Variants in CDH22 observed in about 807,000 individuals in gnomAD.
CDH22 encodes the protein cadherin-22.
Under a neutral mutation model 58.4 loss-of-function variants are expected in CDH22, and 30 were observed. That is an observed-to-expected ratio of 0.51 (90% CI 0.38 to 0.70). CDH22 has a LOEUF of 0.70. CDH22 is among the 30% of genes least tolerant of loss of function. The pLI is 0.00. For missense variants in CDH22, 1,014 were observed against 1,233.9 expected, an observed-to-expected ratio of 0.82 and a Z score of 2.67; for synonymous variants, 513 against 558.2, an observed-to-expected ratio of 0.92 and a Z score of 1.14.
chr20:46,278,866 G>A (rs1459745643), intron 1 of CDH22, among the ~76,000 whole-genome samples: 1 of 152,228 alleles, frequency 6.6e-6, no homozygotes, highest in African/African-American at 2.4e-5. Context: ...GGGATTACAG[G>A]TGTGAGCCAT....
intron 1 of CDH22, among the ~76,000 whole-genome samples, chr20:46,289,691 C>T (rs112125516): frequency 2.0e-5 from 3 of 151,992 alleles, no homozygotes; most frequent in African/African-American, 4.8e-5. Flanking sequence ...TTGCCTGGGG[C>T]GATATGAGGG....
In CDH22 at chr20:46,186,521, A is replaced by G. The variant is rs1010488148; in HGVS notation, c.1663+67T>C. The G allele has an allele frequency of 1.1e-5, 13 of 1,175,380 alleles. No individual in the cohort carries two copies. The African/African-American group carries it at 2.0e-4, about 18-fold the overall frequency. 72.8% of individuals were successfully genotyped at this position (1,175,380 alleles called of 1,614,324 possible). On this transcript the variant is annotated intron_variant, in intron 10 of 11. Coordinates refer to ENST00000537909, the MANE Select transcript of CDH22 (RefSeq NM_021248.3). ...TGTGGGCGCCTCCGTCCCTCTGTCT[A>G]TAATATGGGAACAGGGCAGGGAGAC... is the stretch of plus-strand genomic sequence containing the variant.
chr20:46,293,327 GTC>G (rs2145778761), intron 1 of CDH22, among the ~76,000 whole-genome samples: 1 of 152,322 alleles, frequency 6.6e-6, no homozygotes, highest in South Asian at 2.1e-4. Context: ...ACAGGGAGCT[GTC>G]TGTGCTGACC....
Position 46,174,916 on chromosome 20 carries a change from C to G in CDH22, c.2077G>C (p.Asp693His), listed in dbSNP as rs1435128824. 5 of 1,501,672 alleles carry G rather than the reference C, an allele frequency of 3.3e-6. No homozygotes were observed. Among genetic ancestry groups the G allele is most frequent in the Admixed American group, 3.6e-5 (2 of 55,398 alleles). 93.0% of individuals were successfully genotyped at this position (1,501,672 alleles called of 1,614,324 possible). ...YDMSALRSLY[D>H]FGELKGGDGG... is the part of the protein sequence containing the mutation. ...TCGCCGCCCTTGAGCTCGCCGAAGTCGTAGAGGCTCCGCAGCGCCGACATG... is the reference window on the plus strand; with the variant it reads ...TCGCCGCCCTTGAGCTCGCCGAAGTGGTAGAGGCTCCGCAGCGCCGACATG... Residue 693 changes from aspartate to histidine, a missense_variant, in exon 12 of 12, where the codon GAC (aspartate) becomes CAC (histidine). By Grantham distance (81) the Asp-to-His change is moderately conservative. Coordinates refer to ENST00000537909, the MANE Select transcript of CDH22 (RefSeq NM_021248.3). This position sits in a 1 kb window ranked among gnomAD's most constrained non-coding sequence, Gnocchi z 4.4.
chr20:46,187,035 G>T, intron 8 of CDH22, 88 bp from the exon 9 acceptor site: 1 of 1,372,978 alleles, frequency 7.3e-7, no homozygotes, highest in Non-Finnish European at 9.8e-7. Context: ...ATAGTAGGCA[G>T]TGGGGTCATG....
At chr20:46,304,153 A>T (rs568152308) in intron 1 of CDH22, among the ~76,000 whole-genome samples, 15 of 152,322 alleles carry the variant, frequency 9.8e-5, no homozygotes, top group African/African-American at 3.6e-4. Context: ...CGGATCCTGA[A>T]GTCAGAGACA....
At chr20:46,178,289 T>C in intron 10 of CDH22, 92 bp from the exon 11 acceptor site, 1 of 1,422,094 alleles carries the variant, frequency 7.0e-7, no homozygotes, top group South Asian at 1.3e-5. Context: ...GAGATTTGCC[T>C]CCCTATGCCC....
chr20:46,259,465 C>T (rs1457225708), intron 1 of CDH22, among the ~76,000 whole-genome samples: 1 of 152,204 alleles, frequency 6.6e-6, no homozygotes, highest in African/African-American at 2.4e-5. Flanking sequence ...TGTGCCACAC[C>T]ACCTGTAAGT....
intron 5 of CDH22, 62 bp from the exon 6 acceptor site, chr20:46,213,250 G>T: frequency 7.5e-7 from 1 of 1,329,784 alleles, no homozygotes; most frequent in Non-Finnish European, 1.1e-6. Flanking sequence ...TCTGCCAGCA[G>T]TGGGGGAGGG....
chr20:46,237,569 A>G (rs1378109239), intron 3 of CDH22, among the ~76,000 whole-genome samples: 1 of 152,138 alleles, frequency 6.6e-6, no homozygotes, highest in African/African-American at 2.4e-5. Context: ...AGTTGCTCAA[A>G]TGAAATAAAC....
chr20:46,256,820 T>C (rs1353853465), intron 1 of CDH22, among the ~76,000 whole-genome samples: 2 of 150,926 alleles, frequency 1.3e-5, no homozygotes, highest in African/African-American at 4.9e-5. Context: ...GGGCAACATA[T>C]CAAGATCCTG....
At chr20:46,239,414 C>T (rs908738669) in intron 3 of CDH22, among the ~76,000 whole-genome samples, 5 of 152,242 alleles carry the variant, frequency 3.3e-5, no homozygotes, top group African/African-American at 1.2e-4. Context: ...GCACTCACAT[C>T]CACAGCCCCA....
chr20:46,222,105 TG>T (rs1443457647), intron 4 of CDH22, among the ~76,000 whole-genome samples: 7 of 152,184 alleles, frequency 4.6e-5, no homozygotes, highest in Non-Finnish European at 8.8e-5. Flanking sequence ...GACACCCACC[TG>T]GTAGGGCTGT....
Position 46,227,521 on chromosome 20 carries a change from C to T in CDH22, c.657G>A (p.Val219=). The T allele has an allele frequency of 1.2e-6, 2 of 1,606,488 alleles. No homozygotes were observed. Among genetic ancestry groups the T allele is most frequent in the South Asian group, 2.2e-5 (2 of 90,086 alleles). The part of the protein sequence containing the change: ...SVLDGEHHFT[V]DPKTGVIRTA... ...CCTGCCCCTCACCGGTCTTGGGGTC[C>T]ACGGTGAAGTGGTGCTCGCCGTCCA... is the stretch of plus-strand genomic sequence containing the variant. The change falls in exon 4 of 12, where the codon GTG becomes GTA. Residue 219 remains valine, a synonymous_variant. Coordinates refer to ENST00000537909, the MANE Select transcript of CDH22 (RefSeq NM_021248.3).
intron 7 of CDH22, among the ~76,000 whole-genome samples, chr20:46,200,509 T>C (rs1218154444): frequency 1.3e-5 from 2 of 150,374 alleles, no homozygotes; most frequent in Non-Finnish European, 3.0e-5. Flanking sequence ...CTCGAACTAC[T>C]GAGCTCAAGC....
intron 4 of CDH22, chr20:46,219,944 C>A (rs948709769): frequency 3.9e-5 from 6 of 152,302 alleles, no homozygotes; most frequent in African/African-American, 1.5e-4. Context: ...GTGTCATATT[C>A]TCCACCCTGG....
intron 7 of CDH22, among the ~76,000 whole-genome samples, chr20:46,200,265 G>A (rs2085949687): frequency 2.0e-5 from 3 of 151,438 alleles, no homozygotes; most frequent in Admixed American, 2.0e-4. Context: ...GTGAGCGACC[G>A]CGCCCGGCCC....
intron 1 of CDH22, among the ~76,000 whole-genome samples, chr20:46,280,085 C>T (rs1187590594): frequency 1.3e-5 from 2 of 152,164 alleles, no homozygotes; most frequent in Non-Finnish European, 2.9e-5. Context: ...CTGTCTGGTT[C>T]CACAGGCTGG....
Position 46,174,488 on chromosome 20 carries a change from C to T in CDH22, c.*18G>A, listed in dbSNP as rs925196438. 3.4e-6 allele frequency: 5 copies of T among 1,450,364 alleles called. No homozygotes were observed. The highest frequency in any genetic ancestry group is 3.0e-5 in the African/African-American group (2 of 67,056). 89.8% of individuals were successfully genotyped at this position (1,450,364 alleles called of 1,614,324 possible). A position where few individuals can be genotyped will look rare whatever the true frequency, so the allele number is the denominator to read the frequency against. On this transcript the variant is annotated 3_prime_UTR_variant, in exon 12 of 12. Coordinates refer to ENST00000537909, the MANE Select transcript of CDH22 (RefSeq NM_021248.3). The surrounding 1 kb of genome is among the most constrained non-coding windows in gnomAD (Gnocchi z 4.4). ...GCTGGGCGGGTGAGCAGCCGCGCCCCGACGGCAGGGCGAGGGGCTAGGAGG... is the reference window on the plus strand; with the variant it reads ...GCTGGGCGGGTGAGCAGCCGCGCCCTGACGGCAGGGCGAGGGGCTAGGAGG...
Sources: gnomAD v4.1 joint callset for allele counts (sites outside exome capture counted in the v4.1 genomes callset) on GRCh38, gnomAD v4.1.1 for gene constraint, Gnocchi (gnomAD v3.1) non-coding constraint, MANE v1.5 for transcripts, NCBI Gene and HGNC (gene_info 2026-07-23, HGNC 2026-07-21) for gene names.